The following UNC13C variants were observed in gnomAD, a reference collection of about 807,000 sequenced individuals.
UNC13C encodes the protein unc-13 homolog C, also known as protein unc-13 homolog C.
In UNC13C, 174 loss-of-function variants were observed where a neutral mutation model predicts 245.4. The ratio of observed to expected loss-of-function variants is 0.71; its 90% CI spans 0.63 to 0.80. The LOEUF is 0.80. Among genes scored for constraint, UNC13C ranks in the 30% least tolerant of loss-of-function variants. UNC13C has a pLI of 0.00. For missense variants in UNC13C, 2,829 were observed against 2,602.9 expected, an observed-to-expected ratio of 1.09 and a Z score of -1.89; for synonymous variants, 992 against 895.1, an observed-to-expected ratio of 1.11 and a Z score of -1.93.
intron 4 of UNC13C, among the ~76,000 whole-genome samples, chr15:54,215,952 A>C (rs2035027085): frequency 6.6e-6 from 1 of 152,002 alleles, no homozygotes; most frequent in Non-Finnish European, 1.5e-5. Context: ...TGAAACTGGG[A>C]TAAGCTGGAG....
At chr15:54,573,909 G>C (rs1897856532) in intron 30 of UNC13C, among the ~76,000 whole-genome samples, 1 of 152,126 alleles carries the variant, frequency 6.6e-6, no homozygotes, top group Non-Finnish European at 1.5e-5. Context: ...GTGAAATTTT[G>C]GTCTGAGGAG....
chr15:54,306,309 T>A (rs1033286878), intron 13 of UNC13C, among the ~76,000 whole-genome samples: 1 of 151,984 alleles, frequency 6.6e-6, no homozygotes. Context: ...AAGTGATTGA[T>A]CAAGGACCTG....
intron 10 of UNC13C, among the ~76,000 whole-genome samples, chr15:54,278,524 G>A (rs1412400733): frequency 6.6e-6 from 1 of 152,134 alleles, no homozygotes; most frequent in Non-Finnish European, 1.5e-5. Context: ...AGTATATCTT[G>A]ATGATCCCAG....
At chr15:54,309,131 G>A (rs1479336795) in intron 13 of UNC13C, among the ~76,000 whole-genome samples, 1 of 151,700 alleles carries the variant, frequency 6.6e-6, no homozygotes, top group Non-Finnish European at 1.5e-5. Flanking sequence ...AACAGTGTAC[G>A]AGATTCTGTT....
At chr15:54,130,556 T>G (rs1300660927) in intron 2 of UNC13C, among the ~76,000 whole-genome samples, 1 of 152,126 alleles carries the variant, frequency 6.6e-6, no homozygotes, top group Non-Finnish European at 1.5e-5. Context: ...CCTCCCAAAG[T>G]GCTAGGATTA....
intron 18 of UNC13C, among the ~76,000 whole-genome samples, chr15:54,404,275 G>T (rs987027645): frequency 6.6e-6 from 1 of 152,074 alleles, no homozygotes; most frequent in African/African-American, 2.4e-5. Context: ...TCATTTAATG[G>T]ATTCTAATTT....
the UNC13C span, among the ~76,000 whole-genome samples, chr15:53,881,016 A>G: frequency 6.6e-6 from 1 of 152,180 alleles, no homozygotes; most frequent in Non-Finnish European, 1.5e-5. Context: ...GCCCCAAGTG[A>G]TGCTGGCCTT....
chr15:53,931,738 T>C, the UNC13C span, among the ~76,000 whole-genome samples: 3 of 151,906 alleles, frequency 2.0e-5, no homozygotes, highest in African/African-American at 7.3e-5. Context: ...TAAAAAGGGG[T>C]GAAATCAATT....
chr15:54,218,308 A>T (rs2035105376), intron 4 of UNC13C, among the ~76,000 whole-genome samples: 1 of 151,970 alleles, frequency 6.6e-6, no homozygotes. Flanking sequence ...ATCTGTTTCC[A>T]CTGAGAAATC....
chr15:54,193,919 C>T (rs2034269377), intron 4 of UNC13C, among the ~76,000 whole-genome samples: 1 of 152,098 alleles, frequency 6.6e-6, no homozygotes, highest in South Asian at 2.1e-4. Context: ...AGATCTGGAG[C>T]TACGAAGGTT....
In UNC13C at chr15:54,555,351, G is replaced by GA. The variant is rs1897043098; in HGVS notation, c.5878-80dup. 2.7e-6 allele frequency: 3 copies of GA among 1,108,704 alleles called. No individual in the cohort carries two copies. The East Asian group carries it at 7.4e-5, about 27-fold the overall frequency. The allele number at this position is 1,108,704 out of a possible 1,614,324, so 68.7% of individuals were successfully genotyped here. On this transcript the variant is annotated intron_variant, in intron 28 of 32. Coordinates refer to ENST00000260323, the MANE Select transcript of UNC13C (RefSeq NM_001080534.3). ...TCAAATAGGAAGTTTGGCATATGGG[G>GA]ATAATACAGATTATGTTTTCAAGTA...
At chr15:54,123,738 G>A (rs140833602) in intron 2 of UNC13C, among the ~76,000 whole-genome samples, 35 of 152,060 alleles carry the variant, frequency 2.3e-4, no homozygotes, top group African/African-American at 8.2e-4. Context: ...ATGGTTCTAC[G>A]TCATTTTATC....
intron 29 of UNC13C, among the ~76,000 whole-genome samples, chr15:54,567,576 C>G (rs1897568306): frequency 6.6e-6 from 1 of 152,118 alleles, no homozygotes. Context: ...AAGGCTTAGG[C>G]CTTCTGGGAT....
chr15:54,333,178 A>G (rs1511786), intron 15 of UNC13C, among the ~76,000 whole-genome samples: 40,403 of 151,882 alleles, frequency 0.27, 5,871 homozygotes, highest in Admixed American at 0.35. Flanking sequence ...TAGTTCAAAC[A>G]TTTTATCATT....
At chr15:54,186,251 A>G (rs1054966246) in intron 4 of UNC13C, among the ~76,000 whole-genome samples, 3 of 152,186 alleles carry the variant, frequency 2.0e-5, no homozygotes, top group Non-Finnish European at 1.5e-5. Context: ...TCCAAATTGA[A>G]TGCCCTTTAT....
chr15:54,421,395 G>A (rs116553130), intron 19 of UNC13C, among the ~76,000 whole-genome samples: 2,773 of 152,024 alleles, frequency 0.018, 68 homozygotes, highest in African/African-American at 0.061. Flanking sequence ...ATGCCCTATA[G>A]CCCAATCATT....
intron 7 of UNC13C, among the ~76,000 whole-genome samples, chr15:54,248,227 C>T (rs2036047338): frequency 6.6e-6 from 1 of 151,834 alleles, no homozygotes; most frequent in Non-Finnish European, 1.5e-5. Context: ...TATTTTATTG[C>T]CATTAAAACA....
chr15:54,080,451 G>T (rs1449967131), intron 2 of UNC13C, among the ~76,000 whole-genome samples: 1 of 151,638 alleles, frequency 6.6e-6, no homozygotes, highest in Non-Finnish European at 1.5e-5. Flanking sequence ...ATCTGATCTT[G>T]GGTTTTTTTT....
chr15:53,899,755 G>A, the UNC13C span, among the ~76,000 whole-genome samples: 8 of 152,152 alleles, frequency 5.3e-5, no homozygotes, highest in Non-Finnish European at 1.0e-4. Context: ...GTAGAGAGTG[G>A]TTGCTCCATG....
Sources: gnomAD v4.1 joint callset for allele counts (sites outside exome capture counted in the v4.1 genomes callset) on GRCh38, gnomAD v4.1.1 for gene constraint, MANE v1.5 for transcripts, NCBI Gene and HGNC (gene_info 2026-07-23, HGNC 2026-07-21) for gene names.